Variants in BLTP1 observed in about 807,000 individuals in gnomAD.
BLTP1 encodes the protein fragile site-associated protein.
the BLTP1 span, chr4:122,286,368 G>C: frequency 1.2e-6 from 1 of 836,394 alleles, no homozygotes; most frequent in Non-Finnish European, 1.4e-6. Context: ...ATTGACTTGC[G>C]TATTTAAAGA....
chr4:122,176,164 G>A, the BLTP1 span, among the ~76,000 whole-genome samples: 3 of 152,056 alleles, frequency 2.0e-5, no homozygotes, highest in Non-Finnish European at 4.4e-5. Context: ...TTAGCTGGGC[G>A]TGGTGGTGGG....
At chr4:122,239,907 G>T in the BLTP1 span, 2 of 1,613,952 alleles carry the variant, frequency 1.2e-6, no homozygotes, top group East Asian at 4.5e-5. Flanking sequence ...CAGTGATGAA[G>T]GCCCTGGAAC....
chr4:122,350,641 T>C, the BLTP1 span, among the ~76,000 whole-genome samples: 2 of 152,116 alleles, frequency 1.3e-5, no homozygotes, highest in African/African-American at 4.8e-5. Context: ...GGGAAGAATA[T>C]AGAGAATGAT....
At chr4:122,211,758 G>C in the BLTP1 span, among the ~76,000 whole-genome samples, 3 of 152,100 alleles carry the variant, frequency 2.0e-5, no homozygotes, top group African/African-American at 7.2e-5. Flanking sequence ...TGATTATGAA[G>C]AGAGGCTATT....
chr4:122,324,520 C>T, the BLTP1 span: 17 of 1,609,522 alleles, frequency 1.1e-5, no homozygotes, highest in Non-Finnish European at 1.4e-5. Flanking sequence ...ACCTCTTAAG[C>T]GAATGGAAAG....
the BLTP1 span, among the ~76,000 whole-genome samples, chr4:122,203,197 T>C: frequency 6.6e-6 from 1 of 151,952 alleles, no homozygotes; most frequent in East Asian, 1.9e-4. Context: ...GAATGCCTAA[T>C]GTTCCTGAAC....
the BLTP1 span, chr4:122,209,846 C>T: frequency 7.4e-6 from 12 of 1,613,364 alleles, no homozygotes; most frequent in Non-Finnish European, 1.0e-5. Flanking sequence ...CTGGACTGTC[C>T]CAAGTGTCAT....
At chr4:122,306,813 AT>A in the BLTP1 span, 1 of 379,742 alleles carries the variant, frequency 2.6e-6, no homozygotes, top group Non-Finnish European at 3.6e-6. Flanking sequence ...TTTGAACTGT[AT>A]TTTAGAAGTA....
chr4:122,300,026 T>C, the BLTP1 span: 7 of 795,752 alleles, frequency 8.8e-6, no homozygotes, highest in Non-Finnish European at 1.1e-5. Context: ...TTTATTTTGT[T>C]TTTGAGTCAG....
chr4:122,277,597 G>T, the BLTP1 span: 1 of 950,622 alleles, frequency 1.1e-6, no homozygotes, highest in Non-Finnish European at 1.3e-6. Flanking sequence ...CTTTATATCT[G>T]TACTAGTAAT....
At chr4:122,308,214 C>A in the BLTP1 span, 1 of 1,575,798 alleles carries the variant, frequency 6.3e-7, no homozygotes, top group Non-Finnish European at 8.7e-7. Flanking sequence ...TTCTACATAA[C>A]CATTTCTAAG....
chr4:122,154,342 A>G, the BLTP1 span: 1 of 984,684 alleles, frequency 1.0e-6, no homozygotes, highest in Non-Finnish European at 1.2e-6. Context: ...GTTGTGGTTT[A>G]ATCTGCCTAT....
the BLTP1 span, chr4:122,189,130 A>G: frequency 7.8e-6 from 7 of 901,818 alleles, no homozygotes; most frequent in Non-Finnish European, 9.3e-6. Context: ...GTGTCTTGCT[A>G]TTAATAATTT....
the BLTP1 span, among the ~76,000 whole-genome samples, chr4:122,329,793 C>G: frequency 6.6e-6 from 1 of 151,732 alleles, no homozygotes; most frequent in East Asian, 1.9e-4. Context: ...GTGTGCCATA[C>G]AACAGTGTTA....
At chr4:122,295,238 A>G in the BLTP1 span, among the ~76,000 whole-genome samples, 1 of 152,050 alleles carries the variant, frequency 6.6e-6, no homozygotes, top group South Asian at 2.1e-4. Context: ...ACAGGCCAAC[A>G]TTCGAATTCA....
At chr4:122,262,946 C>A in the BLTP1 span, 3 of 1,613,830 alleles carry the variant, frequency 1.9e-6, no homozygotes, top group African/African-American at 4.0e-5. Context: ...CTCAGAGAAG[C>A]AGTGCTGCTG....
At chr4:122,331,520 A>C in the BLTP1 span, 1 of 1,610,970 alleles carries the variant, frequency 6.2e-7, no homozygotes, top group Non-Finnish European at 8.5e-7. Context: ...CTACAAGAAC[A>C]TGATGATATA....
chr4:122,247,137 A>G, the BLTP1 span: 1 of 1,590,346 alleles, frequency 6.3e-7, no homozygotes, highest in Non-Finnish European at 8.6e-7. Context: ...TAAACATTTT[A>G]CTCTCTTTTT....
the BLTP1 span, among the ~76,000 whole-genome samples, chr4:122,343,004 T>G: frequency 6.6e-6 from 1 of 152,230 alleles, no homozygotes; most frequent in Non-Finnish European, 1.5e-5. Context: ...CTGTTTCCAC[T>G]GCACCTACTG....
Sources: allele counts gnomAD v4.1 joint callset (sites outside exome capture counted in the v4.1 genomes callset), GRCh38; gene constraint gnomAD v4.1.1; transcripts MANE v1.5; gene names NCBI Gene and HGNC (gene_info 2026-07-23, HGNC 2026-07-21).